The following PLGRKT variants were observed in gnomAD, a reference collection of about 807,000 sequenced individuals.
PLGRKT encodes the protein plasminogen receptor (KT).
Under a neutral mutation model 18.5 loss-of-function variants are expected in PLGRKT, and 22 were observed. That is an observed-to-expected ratio of 1.19 (90% CI 0.85 to 1.70). PLGRKT has a LOEUF of 1.70. PLGRKT is among the 40% of genes most tolerant of loss of function. The pLI is 0.00. For missense variants in PLGRKT, 235 were observed against 174.4 expected, an observed-to-expected ratio of 1.35 and a Z score of -1.96; for synonymous variants, 72 against 52.8, an observed-to-expected ratio of 1.36 and a Z score of -1.58.
chr9:5,415,479 A>G (rs1436490444), intron 3 of PLGRKT, among the ~76,000 whole-genome samples: 1 of 152,244 alleles, frequency 6.6e-6, no homozygotes, highest in Non-Finnish European at 1.5e-5. Flanking sequence ...TCAGTGGGCA[A>G]AAGTTCAAGA....
chr9:5,378,053 A>C (rs1817665343), intron 3 of PLGRKT, among the ~76,000 whole-genome samples: 1 of 152,172 alleles, frequency 6.6e-6, no homozygotes, highest in South Asian at 2.1e-4. Context: ...GTGTTGGCAC[A>C]TGTTGCACAT....
In PLGRKT at chr9:5,424,689, T is replaced by TATATATATATATATATACAC. The variant is rs1563790070; in HGVS notation, c.81+7207_81+7208insGTGTATATATATATATATAT. Among the ~76,000 whole-genome samples the TATATATATATATATATACAC allele has an allele frequency of 3.4e-3, 243 of 70,780 alleles. 2 individuals are homozygous for TATATATATATATATATACAC. The highest frequency in any genetic ancestry group is 0.015 in the East Asian group (54 of 3,632). The allele number at this position is 70,780 out of a possible 152,430, so 46.4% of individuals were successfully genotyped here. ...TATTTTATATATATATATATATATA[T>TATATATATATATATATACAC]ATACACACAGGGGGGGGAGAGAGGG... On this transcript the variant is annotated intron_variant, in intron 3 of 5. Transcript: ENST00000223864.
intron 3 of PLGRKT, chr9:5,392,207 A>C (rs1287258150): frequency 1.3e-5 from 2 of 152,006 alleles, no homozygotes; most frequent in East Asian, 1.9e-4. Context: ...CCGGAGAGGT[A>C]CTTTTAGGAC....
intron 3 of PLGRKT, among the ~76,000 whole-genome samples, chr9:5,416,265 ATCC>A (rs1392088163): frequency 6.6e-6 from 1 of 152,070 alleles, no homozygotes; most frequent in Non-Finnish European, 1.5e-5. Context: ...CTCTCTAGAA[ATCC>A]TCCTCCTCCT....
At chr9:5,382,524 T>C (rs1817766897) in intron 3 of PLGRKT, among the ~76,000 whole-genome samples, 1 of 151,856 alleles carries the variant, frequency 6.6e-6, no homozygotes, top group Non-Finnish European at 1.5e-5. Context: ...TTTGAGGAAA[T>C]GAAATAAATC....
rs571436859 is a variant in PLGRKT, at chr9:5,379,500, A to ATGTG, written c.82-17616_82-17613dup. The stretch of plus-strand genomic sequence containing the variant: ...GTTCAACAGCCACATGTGAGTGGAT[A>ATGTG]TGTGTGTGTGTGTGTGTACACAAAT... On this transcript the variant is annotated intron_variant, in intron 3 of 5. Coordinates refer to ENST00000223864, the MANE Select transcript of PLGRKT (RefSeq NM_018465.4). Among the ~76,000 whole-genome samples the ATGTG allele has an allele frequency of 1.6e-3, 242 of 151,190 alleles. 1 individual carries two copies. Among genetic ancestry groups the ATGTG allele is most frequent in the African/African-American group, 5.4e-3 (223 of 41,310 alleles).
At chr9:5,393,108 C>CTA (rs1817980313) in intron 3 of PLGRKT, among the ~76,000 whole-genome samples, 1 of 151,834 alleles carries the variant, frequency 6.6e-6, no homozygotes, top group Admixed American at 6.6e-5. Context: ...TCCCAAAGTA[C>CTA]TGGGATTACA....
At chr9:5,363,436 T>C (rs1320920988) in intron 3 of PLGRKT, among the ~76,000 whole-genome samples, 1 of 151,912 alleles carries the variant, frequency 6.6e-6, no homozygotes, top group Non-Finnish European at 1.5e-5. Flanking sequence ...TGGACTCTGG[T>C]AGGCCACCTG....
At chr9:5,376,499 T>C (rs1817630666) in intron 3 of PLGRKT, among the ~76,000 whole-genome samples, 8 of 152,184 alleles carry the variant, frequency 5.3e-5, no homozygotes. Flanking sequence ...GAATGGCATA[T>C]AAAAGTAGTA....
At chr9:5,361,992 T>C (rs188605185) in intron 3 of PLGRKT, 104 bp from the exon 4 acceptor site, 28 of 1,099,960 alleles carry the variant, frequency 2.5e-5, no homozygotes, top group Admixed American at 1.8e-4. Flanking sequence ...ATTGCTTTAA[T>C]TCATGTTTTT....
At chr9:5,426,094 C>G (rs79032222) in intron 3 of PLGRKT, among the ~76,000 whole-genome samples, 1 of 152,162 alleles carries the variant, frequency 6.6e-6, no homozygotes. Context: ...GCCCAGTAGT[C>G]AAGTCCATGC....
In PLGRKT at chr9:5,426,014, A is replaced by G. The variant is rs150948544; in HGVS notation, c.81+5883T>C. On this transcript the variant is annotated intron_variant, in intron 3 of 5. Coordinates refer to ENST00000223864, the MANE Select transcript of PLGRKT (RefSeq NM_018465.4). ...ATCACAGGCTAAAGATGTTATTTAGACATGGTATTTCAATCAGAATCTTTT... is the reference window on the plus strand; with the variant it reads ...ATCACAGGCTAAAGATGTTATTTAGGCATGGTATTTCAATCAGAATCTTTT... Among the ~76,000 whole-genome samples the G allele has an allele frequency of 8.3e-4, 126 of 152,368 alleles. 2 individuals are homozygous for G. Among genetic ancestry groups the G allele is most frequent in the African/African-American group, 2.7e-3 (112 of 41,586 alleles).
At chr9:5,415,236 C>G (rs1158573909) in intron 3 of PLGRKT, among the ~76,000 whole-genome samples, 5 of 152,098 alleles carry the variant, frequency 3.3e-5, no homozygotes, top group African/African-American at 9.7e-5. Context: ...AAAGTCAAGG[C>G]TGAAACAATC....
intron 3 of PLGRKT, among the ~76,000 whole-genome samples, chr9:5,408,998 G>A (rs1223899294): frequency 6.6e-6 from 1 of 152,210 alleles, no homozygotes. Flanking sequence ...TTGAGGCTTG[G>A]GAGCCTCTTC....
At chr9:5,386,703 C>A (rs1817851007) in intron 3 of PLGRKT, among the ~76,000 whole-genome samples, 1 of 151,852 alleles carries the variant, frequency 6.6e-6, no homozygotes, top group Non-Finnish European at 1.5e-5. Context: ...TTCATCCCAC[C>A]TGCTCTCTTT....
chr9:5,376,088 C>T (rs1010202249), intron 3 of PLGRKT, among the ~76,000 whole-genome samples: 5 of 152,176 alleles, frequency 3.3e-5, no homozygotes, highest in African/African-American at 9.7e-5. Context: ...CTAAGTGAAA[C>T]AAACAATCAC....
At chr9:5,389,291 C>T (rs139247959) in intron 3 of PLGRKT, among the ~76,000 whole-genome samples, 4 of 152,016 alleles carry the variant, frequency 2.6e-5, no homozygotes, top group South Asian at 2.1e-4. Context: ...GTTTTGACAA[C>T]GTTCATGTGG....
Position 5,361,827 on chromosome 9 carries a change from G to T in PLGRKT, c.143C>A (p.Ala48Glu). 8 of 1,612,482 alleles carry T rather than the reference G, an allele frequency of 5.0e-6. No individual in the cohort carries two copies. The highest frequency in any genetic ancestry group is 6.8e-6 in the Non-Finnish European group (8 of 1,178,872). ...ATATTTGAGGAATTCCCGAGACCAC[G>T]CAATCTGCATGGCCATTTGTCTTTC... ...MRERQMAMQI[A>E]WSREFLKYFG... Residue 48 changes from alanine (A) to glutamate (E), a missense_variant, in exon 4 of 6, where the codon GCG becomes GAG. Coordinates refer to ENST00000223864, the MANE Select transcript of PLGRKT (RefSeq NM_018465.4).
chr9:5,432,385 G>C (rs985385231), intron 2 of PLGRKT, among the ~76,000 whole-genome samples: 5 of 152,202 alleles, frequency 3.3e-5, no homozygotes, highest in East Asian at 3.8e-4. Context: ...TTAGGCAACA[G>C]AACCTTTGCA....
Sources: gnomAD v4.1 joint callset for allele counts (sites outside exome capture counted in the v4.1 genomes callset) on GRCh38, gnomAD v4.1.1 for gene constraint, MANE v1.5 for transcripts, NCBI Gene and HGNC (gene_info 2026-07-23, HGNC 2026-07-21) for gene names.